The following SORCS1 variants were observed in gnomAD, a reference collection of about 807,000 sequenced individuals.
SORCS1 encodes VPS10 domain-containing receptor SorCS1.
SORCS1 carries 60 observed loss-of-function variants against 146.1 expected under a neutral mutation model. The observed-to-expected ratio is 0.41, with a 90% confidence interval of 0.33 to 0.51. The LOEUF (loss-of-function observed/expected upper bound fraction) is 0.51. SORCS1 is among the 20% of genes least tolerant of loss of function. SORCS1 has a pLI of 0.21. For missense variants in SORCS1, 1,352 were observed against 1,487.6 expected (o/e 0.91, Z 1.50); for synonymous variants, 637 against 584.0 (o/e 1.09, Z -1.31).
intron 2 of SORCS1, among the ~76,000 whole-genome samples, chr10:106,850,003 G>A (rs1589547123): frequency 6.6e-6 from 1 of 152,112 alleles, no homozygotes; most frequent in South Asian, 2.1e-4. Context: ...GTCAGACAGA[G>A]ACTTTTAAGT....
At chr10:106,945,398 T>A (rs1340538568) in intron 2 of SORCS1, among the ~76,000 whole-genome samples, 1 of 152,200 alleles carries the variant, frequency 6.6e-6, no homozygotes, top group African/African-American at 2.4e-5. Flanking sequence ...TAATTTTCAT[T>A]GTTTGATTGC....
intron 6 of SORCS1, among the ~76,000 whole-genome samples, chr10:106,727,408 C>A (rs966007964): frequency 7.9e-5 from 12 of 152,158 alleles, no homozygotes; most frequent in African/African-American, 2.7e-4. Flanking sequence ...AGTTGCTATT[C>A]ACAGTTGTGT....
At chr10:106,766,929 G>A (rs1859617779) in intron 4 of SORCS1, among the ~76,000 whole-genome samples, 1 of 152,132 alleles carries the variant, frequency 6.6e-6, no homozygotes, top group Non-Finnish European at 1.5e-5. Context: ...AGGGGAATGG[G>A]TCAGTCTGTG....
At chr10:106,652,346 C>A in intron 18 of SORCS1, 36 bp downstream of exon 18, 12 of 1,509,684 alleles carry the variant, frequency 7.9e-6, no homozygotes, top group South Asian at 5.4e-5. Context: ...AATCACTGGC[C>A]CTAGAAAGTA....
intron 2 of SORCS1, among the ~76,000 whole-genome samples, chr10:106,878,634 A>G (rs1379635145): frequency 1.5e-5 from 2 of 135,496 alleles, no homozygotes; most frequent in African/African-American, 5.4e-5. Flanking sequence ...ATATATATAT[A>G]TATATATATA....
intron 1 of SORCS1, among the ~76,000 whole-genome samples, chr10:106,974,548 A>G (rs1433064009): frequency 1.3e-5 from 2 of 152,170 alleles, no homozygotes; most frequent in Non-Finnish European, 2.9e-5. Flanking sequence ...GAGATCCACA[A>G]GGATGCAGGG....
intron 2 of SORCS1, among the ~76,000 whole-genome samples, chr10:106,950,847 C>T (rs1345904503): frequency 1.3e-5 from 2 of 152,076 alleles, no homozygotes; most frequent in African/African-American, 4.8e-5. Context: ...GATGTAATAA[C>T]ACATGTCTAA....
At chr10:106,629,455 GACT>G in intron 18 of SORCS1, 67 bp from the exon 19 acceptor site, 1 of 1,540,196 alleles carries the variant, frequency 6.5e-7, no homozygotes, top group Admixed American at 1.8e-5. Context: ...GGGGACTGGG[GACT>G]ACGGCTTGTC....
intron 4 of SORCS1, among the ~76,000 whole-genome samples, chr10:106,767,835 G>T (rs538681716): frequency 6.6e-6 from 1 of 152,272 alleles, no homozygotes; most frequent in Non-Finnish European, 1.5e-5. Flanking sequence ...TAGAACAGAT[G>T]AAGAACTAGC....
intron 1 of SORCS1, among the ~76,000 whole-genome samples, chr10:107,153,635 C>A (rs1969026386): frequency 6.6e-6 from 1 of 152,212 alleles, no homozygotes; most frequent in South Asian, 2.1e-4. Flanking sequence ...GCCTGGACAG[C>A]AGACTGTCTC....
intron 6 of SORCS1, among the ~76,000 whole-genome samples, chr10:106,725,227 T>A (rs1252531276): frequency 1.3e-5 from 2 of 152,100 alleles, no homozygotes; most frequent in Non-Finnish European, 2.9e-5. Context: ...CAACCTAGAA[T>A]AAAAACCATG....
intron 2 of SORCS1, among the ~76,000 whole-genome samples, chr10:106,852,583 ACACCACTG>A (rs906130789): frequency 1.3e-5 from 2 of 149,138 alleles, no homozygotes; most frequent in African/African-American, 2.5e-5. Flanking sequence ...AGCTGAAATC[ACACCACTG>A]CACTCCAGCC....
intron 1 of SORCS1, among the ~76,000 whole-genome samples, chr10:107,133,721 C>T (rs1967042908): frequency 6.6e-6 from 1 of 152,172 alleles, no homozygotes; most frequent in East Asian, 1.9e-4. Flanking sequence ...ATGTATGTAA[C>T]TGCTGGCACT....
At chr10:107,094,861 C>T (rs1259243754) in intron 1 of SORCS1, among the ~76,000 whole-genome samples, 3 of 152,182 alleles carry the variant, frequency 2.0e-5, no homozygotes, top group Non-Finnish European at 4.4e-5. Context: ...AGCCCCTTCA[C>T]TCTTTGCAGT....
chr10:107,093,155 AT>A (rs1029817526), intron 1 of SORCS1, among the ~76,000 whole-genome samples: 2 of 152,010 alleles, frequency 1.3e-5, no homozygotes, highest in South Asian at 2.1e-4. Context: ...CAGAGCCATG[AT>A]TTTTTTTAAC....
chr10:106,620,701 G>A, intron 19 of SORCS1, 140 bp from the exon 20 acceptor site: 1 of 1,024,134 alleles, frequency 9.8e-7, no homozygotes. Flanking sequence ...GTGTTCAGAT[G>A]CTTTCCCCAC....
At chr10:107,098,270 C>A (rs559552114) in intron 1 of SORCS1, among the ~76,000 whole-genome samples, 3 of 152,236 alleles carry the variant, frequency 2.0e-5, no homozygotes, top group Non-Finnish European at 4.4e-5. Flanking sequence ...CAAGTGAATC[C>A]AACTTAGCTC....
At chr10:106,748,458 G>A (rs1337276244) in intron 5 of SORCS1, among the ~76,000 whole-genome samples, 1 of 151,786 alleles carries the variant, frequency 6.6e-6, no homozygotes, top group East Asian at 1.9e-4. Flanking sequence ...TGTTCTGATG[G>A]CTCCACAGAC....
chr10:106,679,760 C>CA, intron 10 of SORCS1, 26 bp from the exon 11 acceptor site: 1 of 1,533,578 alleles, frequency 6.5e-7, no homozygotes, highest in Non-Finnish European at 9.0e-7. Flanking sequence ...ATAAGTGCCA[C>CA]AAAATCACAT....
Sources: gnomAD v4.1 joint callset for allele counts (sites outside exome capture counted in the v4.1 genomes callset) on GRCh38, gnomAD v4.1.1 for gene constraint, MANE v1.5 for transcripts, NCBI Gene and HGNC (gene_info 2026-07-23, HGNC 2026-07-21) for gene names.